ANKS1B: variants seen among roughly 807,000 people sequenced by gnomAD.
The protein encoded by ANKS1B is ankyrin repeat and sterile alpha motif domain containing 1B.
In ANKS1B, 36 loss-of-function variants were observed where a neutral mutation model predicts 148.3. The observed-to-expected ratio is 0.24, with a 90% CI of 0.19 to 0.32. The LOEUF (loss-of-function observed/expected upper bound fraction) is 0.32, where lower values mean the gene tolerates loss of function less well. ANKS1B is among the 10% of genes least tolerant of loss of function. ANKS1B has a pLI of 1.00. For synonymous variants in ANKS1B, 542 were observed against 560.8 expected (o/e 0.97, Z 0.47); for missense variants, 1,157 against 1,542.6 (o/e 0.75, Z 4.19).
At chr12:99,440,393 A>G (rs746288435) in intron 11 of ANKS1B, among the ~76,000 whole-genome samples, 1 of 151,796 alleles carries the variant, frequency 6.6e-6, no homozygotes, top group Non-Finnish European at 1.5e-5. Flanking sequence ...ATGTCAATAG[A>G]CCTACCTAAT....
At chr12:99,155,220 C>T (rs1296541222) in intron 14 of ANKS1B, 1 of 1,042,218 alleles carries the variant, frequency 9.6e-7, no homozygotes, top group African/African-American at 1.6e-5. Context: ...TTTTCTTCTT[C>T]CTTTTTAAAT....
intron 15 of ANKS1B, among the ~76,000 whole-genome samples, chr12:99,103,959 G>A (rs2058587835): frequency 6.6e-6 from 1 of 152,168 alleles, no homozygotes; most frequent in South Asian, 2.1e-4. Context: ...ACAAAACACA[G>A]TCTCTGTCTT....
intron 17 of ANKS1B, among the ~76,000 whole-genome samples, chr12:99,003,880 G>GA (rs199930578): frequency 1.3e-5 from 2 of 151,924 alleles, no homozygotes; most frequent in Non-Finnish European, 1.5e-5. Context: ...GCTTGTACAA[G>GA]AAAAAAAACC....
chr12:99,939,184 T>C (rs2094855683), intron 1 of ANKS1B, among the ~76,000 whole-genome samples: 1 of 152,086 alleles, frequency 6.6e-6, no homozygotes, highest in Non-Finnish European at 1.5e-5. Flanking sequence ...CTCGACCTAC[T>C]GGGCTCAAGG....
intron 10 of ANKS1B, among the ~76,000 whole-genome samples, chr12:99,486,329 A>G (rs2096487879): frequency 6.6e-6 from 1 of 152,076 alleles, no homozygotes; most frequent in Non-Finnish European, 1.5e-5. Context: ...TAGTCTTTGC[A>G]TGATGGCTTT....
rs554911690 is a variant in ANKS1B, at chr12:99,825,791, C to A, written c.135-402G>T. ...TGTTAACACACTCCTTCTGAGGTGC[C>A]GGTGATTTATATAAGTTATAAGATA... is the stretch of plus-strand genomic sequence containing the variant. On this transcript the variant is annotated intron_variant, in intron 1 of 26. Coordinates refer to ENST00000683438, the MANE Select transcript of ANKS1B (RefSeq NM_001352186.2). Among the ~76,000 whole-genome samples, 10 of 152,150 alleles carry A rather than the reference C, an allele frequency of 6.6e-5. No individual in the cohort carries two copies. In the East Asian group the frequency reaches 1.4e-3, roughly 21 times the overall value.
intron 12 of ANKS1B, among the ~76,000 whole-genome samples, chr12:99,295,803 T>C (rs900250153): frequency 1.6e-4 from 24 of 152,158 alleles, no homozygotes; most frequent in African/African-American, 5.8e-4. Context: ...TGTTCCCCTC[T>C]ATGAGTCGTG....
At chr12:99,536,377 C>T (rs1415812504) in intron 9 of ANKS1B, among the ~76,000 whole-genome samples, 1 of 152,204 alleles carries the variant, frequency 6.6e-6, no homozygotes, top group African/African-American at 2.4e-5. Flanking sequence ...TTGCTATGAA[C>T]CTAAAACTGC....
At chr12:99,792,030 C>T (rs995195042) in intron 4 of ANKS1B, among the ~76,000 whole-genome samples, 3 of 151,418 alleles carry the variant, frequency 2.0e-5, no homozygotes, top group African/African-American at 7.3e-5. Flanking sequence ...AGAGAAGACC[C>T]AAATAAATGA....
chr12:98,951,836 T>C (rs962171623), intron 17 of ANKS1B, among the ~76,000 whole-genome samples: 1 of 152,248 alleles, frequency 6.6e-6, no homozygotes, highest in Non-Finnish European at 1.5e-5. Context: ...TTGTTACATA[T>C]TGATTTTTGT....
chr12:99,207,393 C>CAA (rs3079396), intron 14 of ANKS1B, among the ~76,000 whole-genome samples: 127,719 of 151,910 alleles, frequency 0.84, 54,134 homozygotes, highest in East Asian at 1. Context: ...TATGAAATAT[C>CAA]AGTCATTCTT....
In ANKS1B at chr12:99,876,482, G is replaced by C. The variant is rs1040483927; in HGVS notation, c.135-51093C>G. Among the ~76,000 whole-genome samples the C allele has an allele frequency of 7.5e-4, 114 of 152,246 alleles. 1 individual carries two copies. The highest frequency in any genetic ancestry group is 2.7e-3 in the African/African-American group (112 of 41,554). ...TCACGCCTGTAATCCTAGCACTTTG[G>C]GAGGCCGAGGCAGGCGTATCATTTG... On this transcript the variant is annotated intron_variant, in intron 1 of 26. Coordinates refer to ENST00000683438, the MANE Select transcript of ANKS1B (RefSeq NM_001352186.2).
chr12:98,894,402 G>A (rs954186220), intron 17 of ANKS1B, among the ~76,000 whole-genome samples: 3 of 151,454 alleles, frequency 2.0e-5, no homozygotes, highest in Non-Finnish European at 4.4e-5. Flanking sequence ...GGTGGTGGGG[G>A]AATCGATAAC....
intron 15 of ANKS1B, among the ~76,000 whole-genome samples, chr12:99,098,410 A>G (rs970373083): frequency 1.3e-5 from 2 of 152,122 alleles, no homozygotes; most frequent in Non-Finnish European, 2.9e-5. Flanking sequence ...TAATAAAAAG[A>G]AAAGGAATTG....
chr12:99,856,295 A>G (rs770142862), intron 1 of ANKS1B, among the ~76,000 whole-genome samples: 5 of 152,158 alleles, frequency 3.3e-5, no homozygotes, highest in Middle Eastern at 3.2e-3. Context: ...CTTTATGCAC[A>G]TAACATAGAA....
intron 10 of ANKS1B, among the ~76,000 whole-genome samples, chr12:99,452,452 A>G (rs1307590364): frequency 6.6e-6 from 1 of 152,240 alleles, no homozygotes; most frequent in Non-Finnish European, 1.5e-5. Context: ...AAAAAATGGC[A>G]TTATATCTAA....
chr12:98,902,508 C>T (rs1409437237), intron 17 of ANKS1B, among the ~76,000 whole-genome samples: 3 of 152,148 alleles, frequency 2.0e-5, no homozygotes, highest in Non-Finnish European at 4.4e-5. Context: ...TCTGATTTTT[C>T]ACTTAGGAAA....
chr12:99,680,475 G>T (rs565877502), intron 8 of ANKS1B, among the ~76,000 whole-genome samples: 1 of 152,026 alleles, frequency 6.6e-6, no homozygotes, highest in East Asian at 1.9e-4. Flanking sequence ...GAAGAGCCCT[G>T]TAGGCAGTCT....
intron 17 of ANKS1B, among the ~76,000 whole-genome samples, chr12:98,968,871 C>T (rs959366262): frequency 1.3e-5 from 2 of 152,268 alleles, no homozygotes; most frequent in Admixed American, 6.5e-5. Flanking sequence ...CTGAACTTTG[C>T]TTTACTTTTC....
Sources: allele counts gnomAD v4.1 joint callset (sites outside exome capture counted in the v4.1 genomes callset), GRCh38; gene constraint gnomAD v4.1.1; transcripts MANE v1.5; gene names NCBI Gene and HGNC (gene_info 2026-07-23, HGNC 2026-07-21).